Variants in GSE1 observed in about 807,000 individuals in gnomAD.
GSE1 encodes Gse1 coiled-coil protein.
GSE1 carries 32 observed loss-of-function variants against 112.6 expected under a neutral mutation model. The ratio of observed to expected loss-of-function variants is 0.28; its 90% CI spans 0.21 to 0.38. GSE1 has a LOEUF of 0.38. Among genes scored for constraint, GSE1 ranks in the 10% least tolerant of loss-of-function variants. The pLI is 1.00. For synonymous variants in GSE1, 1,115 were observed against 735.6 expected, an observed-to-expected ratio of 1.52 and a Z score of -8.35; for missense variants, 2,348 against 1,699.2, an observed-to-expected ratio of 1.38 and a Z score of -6.71.
intron 2 of GSE1, among the ~76,000 whole-genome samples, chr16:85,518,825 G>A (rs28480059): frequency 0.41 from 61,563 of 151,796 alleles, 13,402 homozygotes; most frequent in African/African-American, 0.57. Flanking sequence ...ACCTGGCACT[G>A]TGAGATACCC....
intron 2 of GSE1, among the ~76,000 whole-genome samples, chr16:85,647,934 T>C (rs1368390819): frequency 6.6e-6 from 1 of 152,106 alleles, no homozygotes; most frequent in Non-Finnish European, 1.5e-5. Context: ...CAGCCCCATG[T>C]CTGCCCTGCT....
At chr16:85,494,205 C>G (rs1464161132) in intron 2 of GSE1, among the ~76,000 whole-genome samples, 1 of 152,262 alleles carries the variant, frequency 6.6e-6, no homozygotes, top group Non-Finnish European at 1.5e-5. Flanking sequence ...AAGGCATCAG[C>G]AGGGCCGTGC....
chr16:85,575,467 GCTTC>G (rs1478860877), intron 1 of GSE1, among the ~76,000 whole-genome samples: 1 of 151,864 alleles, frequency 6.6e-6, no homozygotes, highest in Non-Finnish European at 1.5e-5. Flanking sequence ...GTGGGGACCG[GCTTC>G]CCTCTCGTCT....
intron 2 of GSE1, among the ~76,000 whole-genome samples, chr16:85,503,199 G>C (rs909451650): frequency 7.9e-5 from 12 of 152,240 alleles, no homozygotes; most frequent in African/African-American, 2.9e-4. Flanking sequence ...GATTAAGTGA[G>C]ACGCTGAAGC....
chr16:85,445,658 C>T (rs1358712811), intron 2 of GSE1, among the ~76,000 whole-genome samples: 4 of 152,110 alleles, frequency 2.6e-5, no homozygotes, highest in Non-Finnish European at 5.9e-5. Flanking sequence ...ACTGTGTTAA[C>T]GACAGATTTC....
rs181069789 is a variant in GSE1, at chr16:85,671,671, G to A, written c.3519+573G>A. ...ATCTAGGATTTACTTATAGAATATCGATCCTGGAAGGGTAGGGATGCTGTT... is the reference window on the plus strand; with the variant it reads ...ATCTAGGATTTACTTATAGAATATCAATCCTGGAAGGGTAGGGATGCTGTT... On this transcript the variant is annotated intron_variant, in intron 15 of 15. Transcript: ENST00000253458. Among the ~76,000 whole-genome samples, 132 of 152,138 alleles carry A rather than the reference G, an allele frequency of 8.7e-4. No homozygotes were observed. In the Middle Eastern group the frequency reaches 0.01, roughly 12 times the overall value.
intron 1 of GSE1, among the ~76,000 whole-genome samples, chr16:85,219,821 G>A (rs9926761): frequency 0.22 from 33,090 of 152,192 alleles, 3,726 homozygotes; most frequent in East Asian, 0.31. Context: ...TTACAGATGG[G>A]TTCACCAAGG....
At chr16:85,570,809 C>A (rs912419530) in intron 1 of GSE1, among the ~76,000 whole-genome samples, 1 of 152,212 alleles carries the variant, frequency 6.6e-6, no homozygotes, top group African/African-American at 2.4e-5. Flanking sequence ...TCACAGGATT[C>A]TCTCGAAGAC....
intron 1 of GSE1, among the ~76,000 whole-genome samples, chr16:85,355,884 G>C (rs192636353): frequency 6.6e-6 from 1 of 151,978 alleles, no homozygotes; most frequent in Non-Finnish European, 1.5e-5. Context: ...AAAATGAGCC[G>C]GGCATGGGGG....
At chr16:85,630,410 T>C (rs28655124) in intron 1 of GSE1, among the ~76,000 whole-genome samples, 14,388 of 152,096 alleles carry the variant, frequency 0.095, 2,193 homozygotes, top group African/African-American at 0.32. Context: ...AGCGGTGTGA[T>C]CATAGCTCAC....
upstream of GSE1, among the ~76,000 whole-genome samples, chr16:85,609,282 A>T (rs115845196): frequency 6.6e-6 from 1 of 152,190 alleles, no homozygotes; most frequent in Non-Finnish European, 1.5e-5. Context: ...TCTGTGGCTC[A>T]AGCTGGAGTG....
rs1294263943 is a variant in GSE1, at chr16:85,246,433, C to T, written c.2283+74626C>T. 6.6e-4 allele frequency among the ~76,000 whole-genome samples: 30 copies of T among 45,472 alleles called. 1 individual carries two copies. Among genetic ancestry groups the T allele is most frequent in the African/African-American group, 2.8e-3 (30 of 10,732 alleles). 29.8% of individuals were successfully genotyped at this position (45,472 alleles called of 152,430 possible). The stretch of plus-strand genomic sequence containing the variant: ...CACACACACACACACCCCATGCTCT[C>T]TACACACACACACACACACACACAC... On this transcript the variant is annotated intron_variant, in intron 1 of 2. Coordinates refer to the GSE1 transcript ENST00000637419.
chr16:85,354,211 G>A (rs940721533), intron 1 of GSE1, among the ~76,000 whole-genome samples: 1 of 152,194 alleles, frequency 6.6e-6, no homozygotes, highest in East Asian at 1.9e-4. Context: ...GCCATCTTCT[G>A]TTCTCTACTG....
rs2053594104 is a variant in GSE1 at position 85,674,834 on chromosome 16, A to T, written c.*2295A>T. 6.6e-6 allele frequency: 1 copy of T among 152,560 alleles called. No individual in the cohort carries two copies. Among genetic ancestry groups the T allele is most frequent in the South Asian group, 2.1e-4 (1 of 4,826 alleles). The allele number at this position is 152,560 out of a possible 1,614,324, so 9.5% of individuals were successfully genotyped here. The stretch of plus-strand genomic sequence containing the variant: ...CTTCTCCCCTGTCAGTGGAAACCCC[A>T]CTTCTGCCCGGCCCTTGAGCTTCTT... On this transcript the variant is annotated 3_prime_UTR_variant, in exon 16 of 16. Coordinates refer to ENST00000253458, the MANE Select transcript of GSE1 (RefSeq NM_014615.5).
At position 85,543,210 on chromosome 16, in the gene GSE1, C is replaced by CAA. The variant is rs527634392; in HGVS notation, c.2465-90686_2465-90685dup. Reference sequence around the variant, plus strand: ...TGGGCGACAGAGCAAGACTCCATCTCAAAAAAAAAAAAAAAAAAAGTCTCC... The same window carrying CAA: ...TGGGCGACAGAGCAAGACTCCATCTCAAAAAAAAAAAAAAAAAAAAAGTCTCC... On this transcript the variant is annotated intron_variant, in intron 2 of 2. Coordinates refer to the GSE1 transcript ENST00000637419. Among the ~76,000 whole-genome samples, 270 of 68,644 alleles carry CAA rather than the reference C, an allele frequency of 3.9e-3. 1 individual carries two copies. Among genetic ancestry groups the CAA allele is most frequent in the Middle Eastern group, 0.028 (3 of 108 alleles). 45.0% of individuals were successfully genotyped at this position (68,644 alleles called of 152,430 possible).
intron 2 of GSE1, among the ~76,000 whole-genome samples, chr16:85,383,350 G>A (rs2047603259): frequency 6.6e-6 from 1 of 150,482 alleles, no homozygotes; most frequent in South Asian, 2.1e-4. Flanking sequence ...ACATACACCT[G>A]CACCCAATAG....
intron 1 of GSE1, among the ~76,000 whole-genome samples, chr16:85,320,790 C>A (rs1458382661): frequency 6.6e-6 from 1 of 152,226 alleles, no homozygotes; most frequent in Non-Finnish European, 1.5e-5. Flanking sequence ...CCCCCATGTC[C>A]TTTCTCCCCA....
chr16:85,474,286 T>G (rs1185423855), intron 2 of GSE1, among the ~76,000 whole-genome samples: 2 of 152,022 alleles, frequency 1.3e-5, no homozygotes, highest in Non-Finnish European at 2.9e-5. Flanking sequence ...CGGCCCGTGC[T>G]CCAATGGGCT....
At chr16:85,613,671 G>A (rs2048155341) in intron 1 of GSE1, among the ~76,000 whole-genome samples, 1 of 150,978 alleles carries the variant, frequency 6.6e-6, no homozygotes, top group African/African-American at 2.4e-5. Context: ...GATGGGGGGG[G>A]TGCGTTTAAG....
Sources: allele counts gnomAD v4.1 joint callset (sites outside exome capture counted in the v4.1 genomes callset), GRCh38; gene constraint gnomAD v4.1.1; transcripts MANE v1.5; gene names NCBI Gene and HGNC (gene_info 2026-07-23, HGNC 2026-07-21).